SEMA3E: variants seen among roughly 807,000 people sequenced by gnomAD.
SEMA3E encodes semaphorin 3E, also known as semaphorin-3E.
In SEMA3E, 49 loss-of-function variants were observed where a neutral mutation model predicts 93.6. The ratio of observed to expected loss-of-function variants is 0.52; its 90% CI spans 0.42 to 0.66. The LOEUF (loss-of-function observed/expected upper bound fraction) is 0.66. SEMA3E is among the 30% of genes least tolerant of loss of function. The pLI is 0.00. For synonymous variants in SEMA3E, 363 were observed against 330.7 expected (o/e 1.10, Z -1.06); for missense variants, 906 against 964.8 (o/e 0.94, Z 0.81).
chr7:83,399,996 A>T, intron 11 of SEMA3E, 32 bp downstream of exon 11: 1 of 1,478,220 alleles, frequency 6.8e-7, no homozygotes. Context: ...GGGTCAATTT[A>T]AATATCTCTG....
intron 16 of SEMA3E, among the ~76,000 whole-genome samples, chr7:83,382,505 C>G (rs1787796336): frequency 6.6e-6 from 1 of 151,854 alleles, no homozygotes; most frequent in South Asian, 2.1e-4. Context: ...TAGGAATAAC[C>G]TGGTACCTAC....
chr7:83,418,901 AT>A (rs1788616291), intron 4 of SEMA3E, among the ~76,000 whole-genome samples: 1 of 151,956 alleles, frequency 6.6e-6, no homozygotes, highest in Non-Finnish European at 1.5e-5. Flanking sequence ...TATAAATTAG[AT>A]TTTTATTTTT....
chr7:83,507,422 C>CTG (rs1491470723), intron 1 of SEMA3E, among the ~76,000 whole-genome samples: 2 of 102,350 alleles, frequency 2.0e-5, no homozygotes, highest in East Asian at 6.8e-4. Context: ...CAAAACAGAA[C>CTG]TCTGTGTGTG....
At chr7:83,383,657 A>T (rs1787824686) in intron 16 of SEMA3E, among the ~76,000 whole-genome samples, 1 of 152,046 alleles carries the variant, frequency 6.6e-6, no homozygotes, top group Non-Finnish European at 1.5e-5. Flanking sequence ...TAAAAATTAT[A>T]GGAATGGAGA....
At chr7:83,482,850 T>C (rs969013769) in intron 2 of SEMA3E, among the ~76,000 whole-genome samples, 1 of 152,094 alleles carries the variant, frequency 6.6e-6, no homozygotes, top group Admixed American at 6.6e-5. Context: ...GAAAATAGAT[T>C]TTAAAAAATT....
At chr7:83,611,901 T>C (rs917247646) in intron 1 of SEMA3E, among the ~76,000 whole-genome samples, 5 of 152,052 alleles carry the variant, frequency 3.3e-5, no homozygotes, top group African/African-American at 1.2e-4. Context: ...ACAGCTTATG[T>C]CTTACCTTTA....
At position 83,606,550 on chromosome 7, in the gene SEMA3E, GGAATT is replaced by G. The variant is rs1413131070; in HGVS notation, c.115+41873_115+41877del. On this transcript the variant is annotated intron_variant, in intron 1 of 16. Transcript: ENST00000643230. ...CACCGCATATTCTCACGCATAGGTG[GGAATT>G]GAACAATGAGATCACATGGACACAG... is the stretch of plus-strand genomic sequence containing the variant. 4.8e-5 allele frequency among the ~76,000 whole-genome samples: 7 copies of G among 144,766 alleles called. No homozygotes were observed. In the East Asian group the frequency reaches 1.4e-3, roughly 29 times the overall value. The allele number at this position is 144,766 out of a possible 152,430, so 95.0% of individuals were successfully genotyped here.
At chr7:83,615,338 AT>A (rs778228278) in intron 1 of SEMA3E, among the ~76,000 whole-genome samples, 41 of 151,660 alleles carry the variant, frequency 2.7e-4, no homozygotes, top group East Asian at 3.9e-4. Context: ...TTCATATGAG[AT>A]TTTTTTTTAA....
chr7:83,541,880 G>A (rs766265218), intron 1 of SEMA3E, among the ~76,000 whole-genome samples: 7 of 151,990 alleles, frequency 4.6e-5, no homozygotes, highest in Non-Finnish European at 7.4e-5. Context: ...GAAGAGAACT[G>A]CATAGGAGAA....
At chr7:83,427,305 C>T (rs573036754) in intron 4 of SEMA3E, among the ~76,000 whole-genome samples, 1 of 151,760 alleles carries the variant, frequency 6.6e-6, no homozygotes, top group African/African-American at 2.4e-5. Flanking sequence ...ATTACTGACT[C>T]GATGGTAGTT....
At chr7:83,496,224 C>T (rs894743026) in intron 1 of SEMA3E, among the ~76,000 whole-genome samples, 2 of 151,878 alleles carry the variant, frequency 1.3e-5, no homozygotes, top group Non-Finnish European at 2.9e-5. Flanking sequence ...GACTGGAGAG[C>T]TTTGTTACAA....
In SEMA3E at chr7:83,405,861, G is replaced by A. The variant is rs3735512; in HGVS notation, c.928+84C>T. On this transcript the variant is annotated intron_variant, in intron 8 of 16. Transcript: ENST00000643230. ...TAGATAGAGGTCAAATACACAGAAAGCAAGTTTCTATGTGTCCTAGGGATA... is the reference window on the plus strand; with the variant it reads ...TAGATAGAGGTCAAATACACAGAAAACAAGTTTCTATGTGTCCTAGGGATA... 0.59 allele frequency: 633,202 copies of A among 1,064,808 alleles called. 196,175 individuals are homozygous for A. Among genetic ancestry groups the A allele is most frequent in the East Asian group, 0.83 (34,342 of 41,274 alleles). The allele number at this position is 1,064,808 out of a possible 1,614,324, so 66.0% of individuals were successfully genotyped here.
At chr7:83,550,970 A>G (rs1279925194) in intron 1 of SEMA3E, among the ~76,000 whole-genome samples, 1 of 152,180 alleles carries the variant, frequency 6.6e-6, no homozygotes, top group African/African-American at 2.4e-5. Flanking sequence ...ACATAATTAA[A>G]ACCTCAATGA....
chr7:83,587,873 A>C (rs939354359), intron 1 of SEMA3E, among the ~76,000 whole-genome samples: 1 of 152,074 alleles, frequency 6.6e-6, no homozygotes, highest in African/African-American at 2.4e-5. Context: ...GATTTATATA[A>C]TTAAAATATT....
chr7:83,438,438 A>G (rs983649786), intron 4 of SEMA3E, among the ~76,000 whole-genome samples: 11 of 152,176 alleles, frequency 7.2e-5, no homozygotes, highest in African/African-American at 9.6e-5. Context: ...CATGGTCTAG[A>G]TATCATAATT....
chr7:83,399,657 TC>T (rs1562764024), intron 11 of SEMA3E, among the ~76,000 whole-genome samples: 1 of 152,236 alleles, frequency 6.6e-6, no homozygotes, highest in East Asian at 1.9e-4. Context: ...ATTATTCATT[TC>T]TTTACTTATT....
At chr7:83,371,478 T>C (rs991365018) in intron 16 of SEMA3E, 1 of 152,196 alleles carries the variant, frequency 6.6e-6, no homozygotes. Flanking sequence ...TAAATAAACA[T>C]TTTAATGATG....
chr7:83,400,167 T>G lies in SEMA3E; in HGVS notation c.1227A>C (p.Pro409=). 1.2e-6 allele frequency: 2 copies of G among 1,614,054 alleles called. No homozygotes were observed. The highest frequency in any genetic ancestry group is 2.2e-5 in the South Asian group (2 of 91,078). ...CAGGTTTTATGGCCTGGTACATTAG[T>G]GGATGACTTCTTGCAAATCGGATGG... The part of the protein sequence containing the change: ...DDAIRFARSH[P]LMYQAIKPAH... Residue 409 remains proline (P), a synonymous_variant, in exon 11 of 17, where the codon CCA becomes CCC. Coordinates refer to ENST00000643230, the MANE Select transcript of SEMA3E (RefSeq NM_012431.3).
At chr7:83,433,905 T>G (rs1033019628) in intron 4 of SEMA3E, among the ~76,000 whole-genome samples, 4 of 152,090 alleles carry the variant, frequency 2.6e-5, no homozygotes, top group African/African-American at 9.7e-5. Context: ...ATGATCCCAA[T>G]CAAACCTCAT....
Sources: gnomAD v4.1 joint callset for allele counts (sites outside exome capture counted in the v4.1 genomes callset) on GRCh38, gnomAD v4.1.1 for gene constraint, MANE v1.5 for transcripts, NCBI Gene and HGNC (gene_info 2026-07-23, HGNC 2026-07-21) for gene names.